Variants in PAX8 observed in about 807,000 individuals in gnomAD.
PAX8 encodes paired box protein Pax-8.
PAX8 carries 15 observed loss-of-function variants against 52.4 expected under a neutral mutation model. That is an observed-to-expected ratio of 0.29 (90% confidence interval 0.19 to 0.44). PAX8 has a LOEUF of 0.44. PAX8 is among the 20% of genes least tolerant of loss of function. The probability of loss-of-function intolerance (pLI) is 1.00; values close to 1 mark genes in which losing one functional copy is unlikely to be tolerated. For synonymous variants in PAX8, 284 were observed against 249.7 expected (o/e 1.14, Z -1.29); for missense variants, 554 against 602.5 (o/e 0.92, Z 0.84).
chr2:113,248,745 G>A (rs1691523477), intron 2 of PAX8, among the ~76,000 whole-genome samples: 1 of 151,904 alleles, frequency 6.6e-6, no homozygotes, highest in Admixed American at 6.6e-5. Context: ...GATCACCTGA[G>A]GTCAGGAGTT....
At chr2:113,252,387 A>G (rs1189762844) in intron 2 of PAX8, among the ~76,000 whole-genome samples, 1 of 152,132 alleles carries the variant, frequency 6.6e-6, no homozygotes, top group East Asian at 1.9e-4. Flanking sequence ...GCCACCTCCC[A>G]GCTAATCCTC....
rs374652916 is a variant in PAX8, at chr2:113,235,453, T to A, written c.1028A>T (p.Asn343Ile). ...CACGGAGGCAGCATGGGGAAAGGCA[T>A]TGAAGGGCGGGACCCCGGAGCCGAC... Reference protein sequence around the residue: ...QQVGSGVPPFNAFPHAASVYG... With the variant: ...QQVGSGVPPFIAFPHAASVYG... Residue 343 changes from asparagine (N) to isoleucine (I), a missense_variant, in exon 9 of 12, where the codon AAT (asparagine) becomes ATT (isoleucine). By Grantham distance (149) the Asn-to-Ile change is moderately radical. Around this residue, in one of 2 missense-constraint regions of PAX8, gnomAD observed 445 missense variants for 409.9 expected, o/e 1.09. Transcript: ENST00000429538. 6.2e-7 allele frequency: 1 copy of A among 1,610,950 alleles called. No individual in the cohort carries two copies. Among genetic ancestry groups the A allele is most frequent in the Admixed American group, 1.7e-5 (1 of 59,512 alleles).
intron 2 of PAX8, among the ~76,000 whole-genome samples, chr2:113,277,817 C>G (rs968711246): frequency 1.3e-5 from 2 of 152,196 alleles, no homozygotes; most frequent in Non-Finnish European, 2.9e-5. Flanking sequence ...GGCGCCCGGC[C>G]TGCCCGGTGC....
chr2:113,224,834 TAAAATATAAAATAAAATAAAATAAA>T lies in PAX8; in HGVS notation c.1189+2296_1189+2320del, dbSNP rs1558685934. Among the ~76,000 whole-genome samples, 268 of 130,594 alleles carry T rather than the reference TAAAATATAAAATAAAATAAAATAAA, an allele frequency of 2.1e-3. 1 individual carries two copies. Among genetic ancestry groups the T allele is most frequent in the African/African-American group, 7.6e-3 (261 of 34,480 alleles). 85.7% of individuals were successfully genotyped at this position (130,594 alleles called of 152,430 possible). A position where few individuals can be genotyped will look rare whatever the true frequency, so the allele number is the denominator to read the frequency against. On this transcript the variant is annotated intron_variant, in intron 10 of 11. Transcript: ENST00000429538. ...AATAAAATAAAAAAATAAAATAAAA[TAAAATATAAAATAAAATAAAATAAA>T]ATAAAATAAAATAAAATAAAATAAA...
At chr2:113,236,402 G>C in intron 8 of PAX8, 199 bp downstream of exon 8, 1 of 514,410 alleles carries the variant, frequency 1.9e-6, no homozygotes. Context: ...GCCCGGCCTA[G>C]GACTGGAGGC....
chr2:113,232,118 G>GC (rs1689934477), intron 9 of PAX8, among the ~76,000 whole-genome samples: 2 of 151,938 alleles, frequency 1.3e-5, no homozygotes, highest in Admixed American at 6.6e-5. Flanking sequence ...CTTCCCCACC[G>GC]CCCCCCGTCA....
chr2:113,273,653 A>G (rs1001059195), intron 2 of PAX8: 3 of 152,202 alleles, frequency 2.0e-5, no homozygotes, highest in Non-Finnish European at 4.4e-5. Flanking sequence ...CACACACACA[A>G]ATTGTTTTTA....
chr2:113,255,994 T>TA (rs33968693), intron 2 of PAX8, among the ~76,000 whole-genome samples: 57,968 of 135,212 alleles, frequency 0.43, 11,679 homozygotes, highest in African/African-American at 0.48. Context: ...GCTCAATCAG[T>TA]AAAAAAAAAA....
intron 7 of PAX8, chr2:113,238,812 G>A (rs1308718717): frequency 6.6e-6 from 1 of 152,224 alleles, no homozygotes; most frequent in East Asian, 1.9e-4. Context: ...TATACATAAT[G>A]TGCTTAGCAC....
At chr2:113,226,643 T>A in intron 10 of PAX8, 3 of 1,098,546 alleles carry the variant, frequency 2.7e-6, no homozygotes, top group South Asian at 2.7e-5. Context: ...ATGTGAAGCA[T>A]ATATTTCATC....
At chr2:113,229,749 C>T (rs1484621160) in intron 9 of PAX8, among the ~76,000 whole-genome samples, 1 of 152,114 alleles carries the variant, frequency 6.6e-6, no homozygotes, top group Non-Finnish European at 1.5e-5. Context: ...CACAATCGAC[C>T]CTCAAACTCA....
chr2:113,230,496 T>G (rs1313481143), intron 9 of PAX8: 1 of 152,232 alleles, frequency 6.6e-6, no homozygotes, highest in African/African-American at 2.4e-5. Flanking sequence ...CTACGATTTT[T>G]AATCTTCATC....
intron 2 of PAX8, among the ~76,000 whole-genome samples, chr2:113,277,100 G>A (rs1461864138): frequency 6.6e-6 from 1 of 152,218 alleles, no homozygotes; most frequent in Non-Finnish European, 1.5e-5. Flanking sequence ...CCGCCGCGCC[G>A]GGGAATGGCT....
rs1690880393 is a variant in PAX8 at position 113,241,906 on chromosome 2, C to G, written c.601+102G>C. On this transcript the variant is annotated intron_variant, in intron 6 of 11. Coordinates refer to ENST00000429538, the MANE Select transcript of PAX8 (RefSeq NM_003466.4). ...CATGTGACAGTCACATGCAGAGCCC[C>G]TACAAAGTCCCATATCATAAGTGGA... is the stretch of plus-strand genomic sequence containing the variant. 2.0e-6 allele frequency: 3 copies of G among 1,497,760 alleles called. No homozygotes were observed. In the Admixed American group the frequency reaches 5.6e-5, roughly 28 times the overall value. 92.8% of individuals were successfully genotyped at this position (1,497,760 alleles called of 1,614,324 possible).
chr2:113,246,614 C>G, intron 3 of PAX8, 140 bp downstream of exon 3: 1 of 865,780 alleles, frequency 1.2e-6, no homozygotes, highest in Non-Finnish European at 1.8e-6. Flanking sequence ...ACCACCATAA[C>G]TGTTCAGGTC....
intron 9 of PAX8, among the ~76,000 whole-genome samples, chr2:113,230,852 G>A (rs1055802386): frequency 3.9e-5 from 6 of 152,140 alleles, no homozygotes; most frequent in Non-Finnish European, 7.3e-5. Flanking sequence ...ATCATAAAAC[G>A]ATCCTCGCTA....
At chr2:113,277,766 C>G (rs1693925510) in intron 2 of PAX8, among the ~76,000 whole-genome samples, 1 of 152,166 alleles carries the variant, frequency 6.6e-6, no homozygotes, top group Non-Finnish European at 1.5e-5. Flanking sequence ...GTTTTGACTC[C>G]GCGAGCGGCT....
At chr2:113,242,965 T>C (rs796350503) in intron 4 of PAX8, among the ~76,000 whole-genome samples, 187 bp from the exon 5 acceptor site, 18 of 152,344 alleles carry the variant, frequency 1.2e-4, no homozygotes, top group African/African-American at 4.1e-4. Context: ...CCGCATTTCA[T>C]GATTGGTACC....
At chr2:113,228,986 T>C (rs974785513) in intron 9 of PAX8, among the ~76,000 whole-genome samples, 1 of 152,188 alleles carries the variant, frequency 6.6e-6, no homozygotes, top group Non-Finnish European at 1.5e-5. Context: ...GTAAATACTA[T>C]ATTCTAGACA....
Sources: gnomAD v4.1 joint callset for allele counts (sites outside exome capture counted in the v4.1 genomes callset) on GRCh38, gnomAD v4.1.1 for gene constraint, gnomAD v4.1.1 regional missense constraint, MANE v1.5 for transcripts, NCBI Gene and HGNC (gene_info 2026-07-23, HGNC 2026-07-21) for gene names.